UBE2R2: variants seen among roughly 807,000 people sequenced by gnomAD.
UBE2R2 encodes ubiquitin conjugating enzyme E2 R2, also known as ubiquitin-conjugating enzyme E2 R2.
A neutral mutation model predicts 27.8 loss-of-function variants in UBE2R2; 1 was observed. That is an observed-to-expected ratio of 0.04 (90% confidence interval 0.01 to 0.17). The LOEUF (loss-of-function observed/expected upper bound fraction) is 0.17. Among genes scored for constraint, UBE2R2 ranks in the 10% least tolerant of loss-of-function variants. The pLI, the probability that UBE2R2 is intolerant of heterozygous loss-of-function variation, is 1.00. For missense variants in UBE2R2, 100 were observed against 291.0 expected (o/e 0.34, Z 4.78); for synonymous variants, 106 against 113.3 (o/e 0.94, Z 0.41).
chr9:33,841,901 A>G (rs55928385), intron 1 of UBE2R2, among the ~76,000 whole-genome samples: 306 of 152,288 alleles, frequency 2.0e-3, no homozygotes, highest in South Asian at 3.7e-3. Context: ...TGTTTCATGT[A>G]TGCTGTCCTC....
chr9:33,819,259 TC>T (rs1825917386), intron 1 of UBE2R2, among the ~76,000 whole-genome samples: 2 of 152,202 alleles, frequency 1.3e-5, no homozygotes, highest in African/African-American at 4.8e-5. Context: ...ATTACTTAAC[TC>T]TTGTTTTCTA....
chr9:33,842,678 G>A (rs1420624897), intron 1 of UBE2R2, among the ~76,000 whole-genome samples: 1 of 152,044 alleles, frequency 6.6e-6, no homozygotes, highest in Non-Finnish European at 1.5e-5. Context: ...TGCTTGGGAG[G>A]GAGTATATAG....
intron 1 of UBE2R2, among the ~76,000 whole-genome samples, chr9:33,833,066 T>C (rs1392384563): frequency 2.6e-5 from 4 of 152,324 alleles, no homozygotes; most frequent in South Asian, 2.1e-4. Flanking sequence ...TTGAAAATTA[T>C]GAGGTTTTTC....
chr9:33,821,362 T>A (rs1825978620), intron 1 of UBE2R2, among the ~76,000 whole-genome samples: 1 of 152,132 alleles, frequency 6.6e-6, no homozygotes, highest in Admixed American at 6.6e-5. Flanking sequence ...CTCACTATTT[T>A]GTCCAGGCTG....
chr9:33,881,109 G>T (rs1382201723), intron 1 of UBE2R2, among the ~76,000 whole-genome samples: 1 of 152,114 alleles, frequency 6.6e-6, no homozygotes, highest in African/African-American at 2.4e-5. Context: ...AAGCTCTGTT[G>T]TTACCAGTGC....
In UBE2R2 at chr9:33,839,277, G is replaced by A. The variant is rs564531402; in HGVS notation, c.177+21343G>A. ...TTTGAGACGGAGTTTCACTCTTGTT[G>A]CCCAGACTGGACTGCAATGGCAGGG... On this transcript the variant is annotated intron_variant, in intron 1 of 4. Transcript: ENST00000263228. Among the ~76,000 whole-genome samples, 5 of 152,174 alleles carry A rather than the reference G, an allele frequency of 3.3e-5. No homozygotes were observed. The East Asian group carries it at 9.7e-4, about 30-fold the overall frequency.
At chr9:33,856,672 C>G (rs542732250) in intron 1 of UBE2R2, among the ~76,000 whole-genome samples, 2 of 150,714 alleles carry the variant, frequency 1.3e-5, no homozygotes, top group Non-Finnish European at 3.0e-5. Flanking sequence ...ATTACATTAC[C>G]TTTCTTGGAA....
At chr9:33,874,399 A>G (rs1003728362) in intron 1 of UBE2R2, among the ~76,000 whole-genome samples, 1 of 152,160 alleles carries the variant, frequency 6.6e-6, no homozygotes, top group Non-Finnish European at 1.5e-5. Context: ...TGTTTATTAT[A>G]TCAGTCATAA....
intron 1 of UBE2R2, among the ~76,000 whole-genome samples, chr9:33,862,287 C>T (rs1413672109): frequency 1.3e-5 from 2 of 152,130 alleles, no homozygotes; most frequent in South Asian, 2.1e-4. Flanking sequence ...TAGACTTTTG[C>T]TCCTTCATAT....
chr9:33,826,656 G>A (rs1820321845), intron 1 of UBE2R2, among the ~76,000 whole-genome samples: 2 of 152,022 alleles, frequency 1.3e-5, no homozygotes, highest in South Asian at 2.1e-4. Context: ...CTGAGATCAC[G>A]CCATTGCACT....
At chr9:33,838,728 C>T (rs1414174461) in intron 1 of UBE2R2, among the ~76,000 whole-genome samples, 1 of 152,020 alleles carries the variant, frequency 6.6e-6, no homozygotes, top group East Asian at 1.9e-4. Flanking sequence ...TTGTCCTTTG[C>T]CCTATTGATG....
At chr9:33,878,579 C>T (rs1411488380) in intron 1 of UBE2R2, among the ~76,000 whole-genome samples, 3 of 152,112 alleles carry the variant, frequency 2.0e-5, no homozygotes, top group Non-Finnish European at 4.4e-5. Context: ...GATTGCACCA[C>T]TGCACTCCAG....
chr9:33,830,771 GAA>G (rs370816652), intron 1 of UBE2R2, among the ~76,000 whole-genome samples: 10 of 136,184 alleles, frequency 7.3e-5, no homozygotes, highest in Non-Finnish European at 7.9e-5. Context: ...CCTCTCAAAG[GAA>G]AAAAAAAAAA....
chr9:33,817,327 C>G lies in UBE2R2; in HGVS notation c.-431C>G, dbSNP rs942865611. ...CGCGCCCTCCGGCCCCTGCGGCCCC[C>G]GAAGAGAACGAGAGGGCGAGCGAGC... is the stretch of plus-strand genomic sequence containing the variant. On this transcript the variant is annotated 5_prime_UTR_variant, in exon 1 of 5. Transcript: ENST00000263228. Among the ~76,000 whole-genome samples, 4 of 150,320 alleles carry G rather than the reference C, an allele frequency of 2.7e-5. No individual in the cohort carries two copies. Among genetic ancestry groups the G allele is most frequent in the South Asian group, 4.2e-4 (2 of 4,756 alleles).
rs1452726080 is a variant in UBE2R2, at chr9:33,832,645, G to C, written c.177+14711G>C. 2.7e-5 allele frequency among the ~76,000 whole-genome samples: 4 copies of C among 148,628 alleles called. No individual in the cohort carries two copies. In the Admixed American group the frequency reaches 2.7e-4, roughly 10 times the overall value. ...CTGCACTCCAGCCTGGGCAACAAGA[G>C]TGAGACTCCGTCTAAAAAAAAAAAA... On this transcript the variant is annotated intron_variant, in intron 1 of 4. Transcript: ENST00000263228.
chr9:33,846,993 T>G lies in UBE2R2; in HGVS notation c.177+29059T>G, dbSNP rs181794828. Among the ~76,000 whole-genome samples the G allele has an allele frequency of 5.8e-4, 80 of 139,066 alleles. 1 individual carries two copies. The Middle Eastern group carries it at 0.021, about 37-fold the overall frequency. 91.2% of individuals were successfully genotyped at this position (139,066 alleles called of 152,430 possible). On this transcript the variant is annotated intron_variant, in intron 1 of 4. Coordinates refer to ENST00000263228, the MANE Select transcript of UBE2R2 (RefSeq NM_017811.4). ...TTATTTGCCTGAAAACATCTTTATT[T>G]TGCTTTTTTTTTTTTTGAAGGTTTT... is the stretch of plus-strand genomic sequence containing the variant.
chr9:33,823,537 G>A (rs950903875), intron 1 of UBE2R2, among the ~76,000 whole-genome samples: 3 of 151,972 alleles, frequency 2.0e-5, no homozygotes, highest in African/African-American at 7.2e-5. Context: ...CAGCACGCCC[G>A]GTTAATTTTT....
chr9:33,884,832 C>T (rs1245617584), intron 1 of UBE2R2, among the ~76,000 whole-genome samples: 1 of 151,784 alleles, frequency 6.6e-6, no homozygotes, highest in Non-Finnish European at 1.5e-5. Context: ...TTGCTGAAAA[C>T]TAGAAATTTA....
At chr9:33,866,375 A>G (rs1433957663) in intron 1 of UBE2R2, among the ~76,000 whole-genome samples, 1 of 151,872 alleles carries the variant, frequency 6.6e-6, no homozygotes, top group Non-Finnish European at 1.5e-5. Flanking sequence ...AGTAGCTGGG[A>G]CTACAGGTGC....
Sources: gnomAD v4.1 joint callset for allele counts (sites outside exome capture counted in the v4.1 genomes callset) on GRCh38, gnomAD v4.1.1 for gene constraint, MANE v1.5 for transcripts, NCBI Gene and HGNC (gene_info 2026-07-23, HGNC 2026-07-21) for gene names.